Variants in SYNPO2 observed in about 807,000 individuals in gnomAD.
SYNPO2 encodes synaptopodin 2, also known as synaptopodin-2.
SYNPO2 carries 56 observed loss-of-function variants against 85.0 expected under a neutral mutation model. The ratio of observed to expected loss-of-function variants is 0.66; its 90% CI spans 0.53 to 0.82. The LOEUF (loss-of-function observed/expected upper bound fraction) is 0.82, where lower values mean the gene tolerates loss of function less well. Among genes scored for constraint, SYNPO2 ranks in the 40% least tolerant of loss-of-function variants. The probability of loss-of-function intolerance (pLI) is 0.00; values close to 1 mark genes in which losing one functional copy is unlikely to be tolerated. For synonymous variants in SYNPO2, 602 were observed against 591.1 expected (o/e 1.02, Z -0.27); for missense variants, 1,575 against 1,534.2 (o/e 1.03, Z -0.44).
intron 4 of SYNPO2, chr4:119,036,246 G>A (rs960375498): frequency 2.1e-5 from 21 of 985,286 alleles, no homozygotes; most frequent in African/African-American, 1.2e-4. Context: ...GAGGGAAGTC[G>A]TGGGGCGTGT....
intron 1 of SYNPO2, among the ~76,000 whole-genome samples, chr4:118,855,789 GATT>G (rs759337008): frequency 3.7e-4 from 56 of 152,078 alleles, no homozygotes; most frequent in Non-Finnish European, 7.4e-4. Context: ...ACTGTCTATT[GATT>G]ATTTCTTTAG....
intron 1 of SYNPO2, among the ~76,000 whole-genome samples, chr4:118,859,245 T>C (rs1731565661): frequency 6.6e-6 from 1 of 152,196 alleles, no homozygotes; most frequent in Non-Finnish European, 1.5e-5. Context: ...GTTACATTAT[T>C]TTTAAATTTT....
At chr4:118,992,127 G>T (rs543404275) in intron 1 of SYNPO2, among the ~76,000 whole-genome samples, 1 of 152,222 alleles carries the variant, frequency 6.6e-6, no homozygotes, top group Admixed American at 6.5e-5. Context: ...AGATTGTGGG[G>T]GATCTTGCTT....
intron 1 of SYNPO2, among the ~76,000 whole-genome samples, chr4:118,900,028 C>G (rs1377710879): frequency 6.6e-6 from 1 of 152,176 alleles, no homozygotes; most frequent in Admixed American, 6.5e-5. Flanking sequence ...TCCCAAAGTG[C>G]TGGGATTACA....
intron 1 of SYNPO2, among the ~76,000 whole-genome samples, chr4:118,963,339 G>A (rs1020911232): frequency 3.3e-5 from 5 of 152,132 alleles, no homozygotes; most frequent in Non-Finnish European, 5.9e-5. Context: ...CATTCATACA[G>A]GCCACCAGAC....
rs752386990 is a variant in SYNPO2 at position 119,031,950 on chromosome 4, C to T, written c.3175C>T (p.Gln1059Ter). 5 of 1,614,140 alleles carry T rather than the reference C, an allele frequency of 3.1e-6. No individual in the cohort carries two copies. The highest frequency in any genetic ancestry group is 4.2e-6 in the Non-Finnish European group (5 of 1,180,054). Residue 1059 changes from glutamine to a stop codon, truncating the protein, a stop_gained, in exon 4 of 5, where the codon CAA becomes TAA. Transcript: ENST00000307142. LOFTEE classifies it high-confidence loss of function. ...VPVGIPTSPK[Q>*]ESASSSYFVA... is the part of the protein sequence containing the mutation. Reference sequence around the variant, plus strand: ...TGTGGGCATTCCCACCTCGCCAAAGCAAGAATCAGCCTCATCATCTTATTT... The same window carrying T: ...TGTGGGCATTCCCACCTCGCCAAAGTAAGAATCAGCCTCATCATCTTATTT...
chr4:118,880,483 C>A (rs747389956), intron 1 of SYNPO2, among the ~76,000 whole-genome samples: 2 of 152,198 alleles, frequency 1.3e-5, no homozygotes, highest in African/African-American at 4.8e-5. Flanking sequence ...GGCACAGTGG[C>A]TCATGCCTGT....
At chr4:119,012,077 C>T (rs1273308186) in intron 1 of SYNPO2, among the ~76,000 whole-genome samples, 2 of 151,976 alleles carry the variant, frequency 1.3e-5, no homozygotes, top group Non-Finnish European at 2.9e-5. Flanking sequence ...TACCTGCCAC[C>T]ACGTCTGGCT....
At chr4:118,983,017 TC>T (rs1380001874) in intron 1 of SYNPO2, among the ~76,000 whole-genome samples, 1 of 151,934 alleles carries the variant, frequency 6.6e-6, no homozygotes, top group Non-Finnish European at 1.5e-5. Flanking sequence ...AATTCTTTCT[TC>T]CCTCCCAAGT....
At chr4:118,896,983 C>A (rs530029096) in intron 1 of SYNPO2, among the ~76,000 whole-genome samples, 14 of 151,996 alleles carry the variant, frequency 9.2e-5, no homozygotes, top group African/African-American at 2.7e-4. Flanking sequence ...GAAGGATGAC[C>A]TTTCCTGAAC....
At chr4:118,854,069 T>G (rs1038535863) in intron 1 of SYNPO2, among the ~76,000 whole-genome samples, 2 of 152,236 alleles carry the variant, frequency 1.3e-5, no homozygotes, top group African/African-American at 4.8e-5. Flanking sequence ...AATTAAGTAC[T>G]GAGTTTCTGT....
intron 1 of SYNPO2, among the ~76,000 whole-genome samples, chr4:118,914,369 G>C (rs548812255): frequency 6.6e-6 from 1 of 152,088 alleles, no homozygotes; most frequent in Non-Finnish European, 1.5e-5. Context: ...CAAGAGAACA[G>C]AGTATGTACA....
chr4:119,027,310 G>C lies in SYNPO2; in HGVS notation c.941G>C (p.Gly314Ala). 6.2e-7 allele frequency: 1 copy of C among 1,614,132 alleles called. No individual in the cohort carries two copies. Residue 314 changes from glycine (G) to alanine (A), a missense_variant, in exon 3 of 5, where the codon GGA becomes GCA. This residue lies in a region of SYNPO2 where 1,508 missense variants were observed against 1,446.8 expected (regional missense o/e 1.04). Transcript: ENST00000307142. ...GAGTGTGTGGATTCTCCAGTGGAAG[G>C]AGGGCAGTCAGAAGCACCTCCTTCT... is the stretch of plus-strand genomic sequence containing the variant. Reference protein sequence around the residue: ...GKECVDSPVEGGQSEAPPSLV... With the variant: ...GKECVDSPVEAGQSEAPPSLV...
intron 4 of SYNPO2, chr4:119,034,470 A>T: frequency 2.0e-6 from 2 of 985,446 alleles, no homozygotes; most frequent in Non-Finnish European, 2.4e-6. Flanking sequence ...CTAAAGATGC[A>T]AATAACATGA....
At chr4:119,035,879 C>A in intron 4 of SYNPO2, 5 of 984,204 alleles carry the variant, frequency 5.1e-6, no homozygotes, top group Non-Finnish European at 6.0e-6. Context: ...GTATGTGAGA[C>A]CATTTTCCTA....
intron 1 of SYNPO2, among the ~76,000 whole-genome samples, chr4:118,948,684 A>C (rs932390277): frequency 6.6e-6 from 1 of 151,994 alleles, no homozygotes; most frequent in Non-Finnish European, 1.5e-5. Flanking sequence ...GAGGTGTCAC[A>C]CTCTTTTAAA....
In SYNPO2 at chr4:119,027,274, A is replaced by C. The variant is rs1364890734; in HGVS notation, c.905A>C (p.Gln302Pro). ...DRQKTEGCRL[Q>P]AGKECVDSPV... ...CAGAAGACAGAAGGGTGCAGGCTTC[A>C]GGCAGGAAAGGAGTGTGTGGATTCT... The change falls in exon 3 of 5, where the codon CAG (glutamine) becomes CCG (proline). Residue 302 changes from glutamine (Q) to proline (P), a missense_variant. Coordinates refer to ENST00000307142, the MANE Select transcript of SYNPO2 (RefSeq NM_133477.3). 6.2e-7 allele frequency: 1 copy of C among 1,614,180 alleles called. No homozygotes were observed.
chr4:118,861,437 C>T (rs2110565743), intron 1 of SYNPO2, among the ~76,000 whole-genome samples: 1 of 152,268 alleles, frequency 6.6e-6, no homozygotes, highest in South Asian at 2.1e-4. Flanking sequence ...TCCCAAAGTG[C>T]TGGGATTACA....
chr4:118,902,778 T>C (rs1433446196), intron 1 of SYNPO2, among the ~76,000 whole-genome samples: 1 of 152,224 alleles, frequency 6.6e-6, no homozygotes, highest in Non-Finnish European at 1.5e-5. Context: ...AGAATTTTAA[T>C]ACCTAGATCC....
Sources: gnomAD v4.1 joint callset for allele counts (sites outside exome capture counted in the v4.1 genomes callset) on GRCh38, gnomAD v4.1.1 for gene constraint, gnomAD v4.1.1 regional missense constraint, MANE v1.5 for transcripts, NCBI Gene and HGNC (gene_info 2026-07-23, HGNC 2026-07-21) for gene names.